Variants in CSMD3 observed in about 807,000 individuals in gnomAD.
CSMD3 encodes CUB and Sushi multiple domains 3, also known as CUB and sushi domain-containing protein 3.
A neutral mutation model predicts 435.2 loss-of-function variants in CSMD3; 177 were observed. The ratio of observed to expected loss-of-function variants is 0.41; its 90% CI spans 0.36 to 0.46. The LOEUF (loss-of-function observed/expected upper bound fraction) is 0.46. Ranked by LOEUF, CSMD3 falls within the 20% of genes least tolerant of loss-of-function variation. The pLI is 0.34. For synonymous variants in CSMD3, 1,656 were observed against 1,520.5 expected, an observed-to-expected ratio of 1.09 and a Z score of -2.07; for missense variants, 4,265 against 4,504.6, an observed-to-expected ratio of 0.95 and a Z score of 1.52.
intron 14 of CSMD3, among the ~76,000 whole-genome samples, chr8:112,686,400 TAAAG>T (rs1218679193): frequency 6.6e-6 from 1 of 150,804 alleles, no homozygotes; most frequent in African/African-American, 2.4e-5. Flanking sequence ...AGAGGAAAAA[TAAAG>T]AAACAGAAAA....
intron 22 of CSMD3, among the ~76,000 whole-genome samples, chr8:112,615,296 C>CAGTAT (rs1833580496): frequency 6.6e-6 from 1 of 151,996 alleles, no homozygotes; most frequent in South Asian, 2.1e-4. Context: ...TGAACCATGA[C>CAGTAT]AGTATAGCAT....
rs774130387 is a variant in CSMD3 at position 112,638,785 on chromosome 8, T to C, written c.3437A>G (p.Asn1146Ser). ...CCTGAAATTTCCATAGAGACCAGCA[T>C]TGATTGTTGGAGGAAGATCTGAACC... ...LTGSDLPPTI[N>S]AGLYGNFRAQ... The change falls in exon 21 of 71, where the codon AAT becomes AGT. Residue 1146 changes from asparagine to serine, a missense_variant. Transcript: ENST00000297405. The C allele has an allele frequency of 1.9e-6, 3 of 1,612,390 alleles. No individual in the cohort carries two copies. Among genetic ancestry groups the C allele is most frequent in the Non-Finnish European group, 1.7e-6 (2 of 1,178,714 alleles).
rs1018960483 is a variant in CSMD3, at chr8:113,179,391, T to C, written c.515-5475A>G. 2.6e-5 allele frequency among the ~76,000 whole-genome samples: 4 copies of C among 151,814 alleles called. 1 individual carries two copies. The highest frequency in any genetic ancestry group is 2.6e-4 in the Admixed American group (4 of 15,194). ...TCATAAGTATCAAATTTTCATTAAA[T>C]GTAATGAAGTATGTTAGATCATTCT... On this transcript the variant is annotated intron_variant, in intron 3 of 70. Transcript: ENST00000297405.
At chr8:112,997,119 A>G (rs946545441) in intron 6 of CSMD3, among the ~76,000 whole-genome samples, 2 of 151,788 alleles carry the variant, frequency 1.3e-5, no homozygotes, top group East Asian at 3.9e-4. Flanking sequence ...AATGTACAGG[A>G]GAAAATATTT....
intron 3 of CSMD3, among the ~76,000 whole-genome samples, chr8:113,260,233 G>A (rs1187035670): frequency 6.6e-6 from 1 of 152,102 alleles, no homozygotes; most frequent in African/African-American, 2.4e-5. Context: ...ATGGTGGCCT[G>A]TTTTGCAGTC....
At position 112,393,934 on chromosome 8, in the gene CSMD3, C is replaced by T. The variant is rs142255755; in HGVS notation, c.5810-3146G>A. Among the ~76,000 whole-genome samples, 188 of 151,722 alleles carry T rather than the reference C, an allele frequency of 1.2e-3. 1 individual carries two copies. Among genetic ancestry groups the T allele is most frequent in the Non-Finnish European group, 2.3e-3 (154 of 67,972 alleles). ...TCCTCTTTGTAACTTTGTCTTAGGC[C>T]ATATTCTCTTTCTAATCACTGTCCC... On this transcript the variant is annotated intron_variant, in intron 35 of 70. Coordinates refer to ENST00000297405, the MANE Select transcript of CSMD3 (RefSeq NM_198123.2).
intron 11 of CSMD3, among the ~76,000 whole-genome samples, chr8:112,853,115 A>G (rs923108585): frequency 6.6e-6 from 1 of 152,238 alleles, no homozygotes; most frequent in Admixed American, 6.5e-5. Context: ...GTCTTCAATC[A>G]CATAAAAATG....
chr8:113,009,569 T>C (rs1454946899), intron 6 of CSMD3, among the ~76,000 whole-genome samples: 1 of 151,812 alleles, frequency 6.6e-6, no homozygotes, highest in East Asian at 1.9e-4. Context: ...TGTGTTCACT[T>C]GGAAATCTGA....
chr8:112,750,394 A>T (rs2077540213), intron 13 of CSMD3, among the ~76,000 whole-genome samples: 1 of 152,012 alleles, frequency 6.6e-6, no homozygotes, highest in Non-Finnish European at 1.5e-5. Context: ...TACAGTAATG[A>T]ATCAGGCTAA....
chr8:112,521,423 G>A (rs1255835018), intron 27 of CSMD3, among the ~76,000 whole-genome samples: 1 of 151,734 alleles, frequency 6.6e-6, no homozygotes, highest in Non-Finnish European at 1.5e-5. Flanking sequence ...CCTTCTTCAA[G>A]CACTGTTTTT....
rs147365873 is a variant in CSMD3 at position 112,333,669 on chromosome 8, T to TACAC, written c.7165+1656_7165+1659dup. Among the ~76,000 whole-genome samples, 965 of 147,928 alleles carry TACAC rather than the reference T, an allele frequency of 6.5e-3. 13 individuals carry two copies. Among genetic ancestry groups the TACAC allele is most frequent in the African/African-American group, 0.022 (857 of 38,670 alleles). ...ATATGAATGTTCAAATTCTGTCTCA[T>TACAC]ACACACACACACACACACACACACA... On this transcript the variant is annotated intron_variant, in intron 45 of 70. Transcript: ENST00000297405.
intron 27 of CSMD3, among the ~76,000 whole-genome samples, chr8:112,519,503 TCC>T: frequency 6.6e-6 from 1 of 152,320 alleles, no homozygotes; most frequent in Middle Eastern, 3.4e-3. Context: ...CTAGGAATTA[TCC>T]AGTGACTAGT....
At chr8:112,664,606 C>T (rs1350652491) in intron 17 of CSMD3, among the ~76,000 whole-genome samples, 1 of 152,058 alleles carries the variant, frequency 6.6e-6, no homozygotes, top group Non-Finnish European at 1.5e-5. Flanking sequence ...CCCCAAATTT[C>T]TATGTTGAAA....
chr8:112,638,884 T>C lies in CSMD3; in HGVS notation c.3338A>G (p.His1113Arg), dbSNP rs1258503933. 10 of 1,612,780 alleles carry C rather than the reference T, an allele frequency of 6.2e-6. No homozygotes were observed. Among genetic ancestry groups the C allele is most frequent in the Non-Finnish European group, 7.6e-6 (9 of 1,179,132 alleles). Residue 1113 changes from histidine (H) to arginine (R), a missense_variant, in exon 21 of 71, where the codon CAT becomes CGT. Physicochemically the swap from His to Arg is conservative, Grantham distance 29. Around this residue, in one of 3 missense-constraint regions of CSMD3, gnomAD observed 3,255 missense variants for 3,380.2 expected, o/e 0.96. Coordinates refer to ENST00000297405, the MANE Select transcript of CSMD3 (RefSeq NM_198123.2). The stretch of plus-strand genomic sequence containing the variant: ...TAAGTAGTCATGATGGTCTTCCAAA[T>C]GAAAAGTGTGGAAGTTGAACTGCAC... ...KGVQFNFHTFHLEDHHDYLLI... is the reference protein window; with the variant it reads ...KGVQFNFHTFRLEDHHDYLLI...
chr8:112,718,786 CT>C (rs1285109257), intron 13 of CSMD3, among the ~76,000 whole-genome samples: 1 of 152,040 alleles, frequency 6.6e-6, no homozygotes, highest in Non-Finnish European at 1.5e-5. Flanking sequence ...CCTGTCCCCA[CT>C]TATCTGAAGG....
intron 5 of CSMD3, among the ~76,000 whole-genome samples, chr8:113,072,120 T>TA (rs1449574829): frequency 6.6e-6 from 1 of 151,820 alleles, no homozygotes; most frequent in East Asian, 1.9e-4. Flanking sequence ...TGTTTCAATA[T>TA]AAAAATGTAA....
intron 16 of CSMD3, among the ~76,000 whole-genome samples, chr8:112,669,279 T>C (rs7821462): frequency 0.55 from 83,692 of 151,864 alleles, 24,172 homozygotes; most frequent in African/African-American, 0.73. Flanking sequence ...GATCCACCTG[T>C]CTTGGCCTCC....
intron 64 of CSMD3, among the ~76,000 whole-genome samples, chr8:112,246,451 T>C (rs531192795): frequency 2.2e-4 from 33 of 152,350 alleles, no homozygotes; most frequent in Non-Finnish European, 3.8e-4. Context: ...AATTCATTTC[T>C]AATTGTATGT....
At chr8:113,207,372 A>G (rs1047043476) in intron 3 of CSMD3, among the ~76,000 whole-genome samples, 1 of 149,334 alleles carries the variant, frequency 6.7e-6, no homozygotes, top group Admixed American at 6.8e-5. Flanking sequence ...TATAATAAAC[A>G]TCAATTATTT....
Sources: gnomAD v4.1 joint callset for allele counts (sites outside exome capture counted in the v4.1 genomes callset) on GRCh38, gnomAD v4.1.1 for gene constraint, gnomAD v4.1.1 regional missense constraint, MANE v1.5 for transcripts, NCBI Gene and HGNC (gene_info 2026-07-23, HGNC 2026-07-21) for gene names.